The following WDR17 variants were observed in gnomAD, a reference collection of about 807,000 sequenced individuals.
WDR17 encodes the protein WD repeat domain 17.
Under a neutral mutation model 161.7 loss-of-function variants are expected in WDR17, and 143 were observed. The ratio of observed to expected loss-of-function variants is 0.88; its 90% CI spans 0.77 to 1.02. The LOEUF (loss-of-function observed/expected upper bound fraction) is 1.02. Among genes scored for constraint, WDR17 ranks in the 50% least tolerant of loss-of-function variants. The pLI is 0.00. For synonymous variants in WDR17, 517 were observed against 515.6 expected (o/e 1.00, Z -0.04); for missense variants, 1,469 against 1,520.9 (o/e 0.97, Z 0.57).
At chr4:176,073,464 A>G (rs959050243) in intron 1 of WDR17, among the ~76,000 whole-genome samples, 2 of 151,358 alleles carry the variant, frequency 1.3e-5, no homozygotes, top group African/African-American at 2.4e-5. Context: ...ATAGTATTTC[A>G]TGGTGTATAT....
chr4:176,114,738 G>A (rs1189449216), intron 2 of WDR17, among the ~76,000 whole-genome samples: 1 of 151,802 alleles, frequency 6.6e-6, no homozygotes, highest in African/African-American at 2.4e-5. Context: ...TAGAGTCATG[G>A]GATAGGTTCT....
intron 1 of WDR17, among the ~76,000 whole-genome samples, chr4:176,067,675 A>C (rs1186009722): frequency 1.3e-5 from 2 of 152,202 alleles, no homozygotes; most frequent in African/African-American, 4.8e-5. Context: ...GAAAGCCATA[A>C]ATTAATTTAG....
chr4:176,175,731 G>A (rs1265573952), intron 26 of WDR17, among the ~76,000 whole-genome samples: 2 of 151,852 alleles, frequency 1.3e-5, no homozygotes, highest in East Asian at 3.9e-4. Context: ...CTAATTTTTT[G>A]TATTTTTCTA....
At chr4:176,172,346 A>G in intron 23 of WDR17, 29 bp from the exon 24 acceptor site, 1 of 1,591,086 alleles carries the variant, frequency 6.3e-7, no homozygotes, top group East Asian at 2.3e-5. Context: ...AATTTTAGTA[A>G]CATTGTTTTC....
chr4:176,140,022 G>A (rs758951005), intron 10 of WDR17, 48 bp downstream of exon 10: 2 of 1,452,248 alleles, frequency 1.4e-6, no homozygotes, highest in South Asian at 1.2e-5. Context: ...TGTTTATAAA[G>A]CACTCATTTG....
intron 1 of WDR17, among the ~76,000 whole-genome samples, chr4:176,067,417 C>G (rs1732674182): frequency 6.6e-6 from 1 of 152,134 alleles, no homozygotes; most frequent in African/African-American, 2.4e-5. Flanking sequence ...GAAAGTAAAG[C>G]TCTTGAGTTC....
intron 6 of WDR17, among the ~76,000 whole-genome samples, chr4:176,130,580 TA>T (rs1743234476): frequency 2.2e-5 from 3 of 135,254 alleles, no homozygotes; most frequent in Admixed American, 8.4e-5. Flanking sequence ...CTGTCTCTAC[TA>T]AAAATACAAA....
intron 1 of WDR17, among the ~76,000 whole-genome samples, chr4:176,067,014 A>G (rs771345660): frequency 6.6e-6 from 1 of 152,198 alleles, no homozygotes; most frequent in Non-Finnish European, 1.5e-5. Context: ...ACTCCACAAG[A>G]GTTTAAGCAT....
At chr4:176,118,208 C>T (rs1740941364) in intron 3 of WDR17, among the ~76,000 whole-genome samples, 1 of 152,114 alleles carries the variant, frequency 6.6e-6, no homozygotes, top group Non-Finnish European at 1.5e-5. Flanking sequence ...AGTGCTTGTA[C>T]ATAAGTCACT....
chr4:176,123,946 T>C (rs1005082852), intron 4 of WDR17, among the ~76,000 whole-genome samples: 2 of 152,142 alleles, frequency 1.3e-5, no homozygotes, highest in African/African-American at 4.8e-5. Flanking sequence ...AGTCAACTCA[T>C]TAGCATACAA....
In WDR17 at chr4:176,151,791, C is replaced by A. The variant is rs1028761060; in HGVS notation, c.2305-21C>A. ...AAAATATGTCAAATTTTTTTAAATT[C>A]TATTTTCTTTTTAAAACCAGTCTGA... On this transcript the variant is annotated intron_variant, in intron 16 of 28. Transcript: ENST00000508596. 1.9e-5 allele frequency: 29 copies of A among 1,538,630 alleles called. No individual in the cohort carries two copies. The African/African-American group carries it at 3.5e-4, about 19-fold the overall frequency.
intron 1 of WDR17, among the ~76,000 whole-genome samples, chr4:176,090,918 C>T (rs1321594719): frequency 6.6e-6 from 1 of 152,200 alleles, no homozygotes; most frequent in Non-Finnish European, 1.5e-5. Context: ...GCAGCAGGAG[C>T]ATGTCCTTAA....
At chr4:176,156,341 A>T (rs1461715530) in intron 18 of WDR17, among the ~76,000 whole-genome samples, 198 bp downstream of exon 18, 1 of 152,112 alleles carries the variant, frequency 6.6e-6, no homozygotes, top group Non-Finnish European at 1.5e-5. Context: ...ATTTGACTTG[A>T]CCTCTGATGA....
rs779669811 is a variant in WDR17, at chr4:176,150,206, T to C, written c.2178+33T>C. Reference sequence around the variant, plus strand: ...TTACAGGAATTAAATGCGAATATTTTCCCTTTAGCCAACATGAATCATTAC... The same window carrying C: ...TTACAGGAATTAAATGCGAATATTTCCCCTTTAGCCAACATGAATCATTAC... On this transcript the variant is annotated intron_variant, in intron 15 of 28. Transcript: ENST00000508596. The C allele has an allele frequency of 2.2e-5, 35 of 1,604,914 alleles. No homozygotes were observed. In the South Asian group the frequency reaches 3.3e-4, roughly 15 times the overall value.
chr4:176,112,216 T>C (rs1043879355), intron 2 of WDR17, among the ~76,000 whole-genome samples: 2 of 152,218 alleles, frequency 1.3e-5, no homozygotes, highest in African/African-American at 4.8e-5. Flanking sequence ...ACCAGAAATG[T>C]GATAGTTATC....
intron 10 of WDR17, 91 bp downstream of exon 10, chr4:176,140,065 T>C (rs1745013305): frequency 1.8e-6 from 2 of 1,095,152 alleles, no homozygotes. Context: ...GAGATTTCAT[T>C]TGTACAGCTC....
intron 21 of WDR17, among the ~76,000 whole-genome samples, chr4:176,162,647 G>T (rs1749200057): frequency 6.6e-6 from 1 of 151,912 alleles, no homozygotes; most frequent in South Asian, 2.1e-4. Flanking sequence ...ACAAATGAAA[G>T]CACTTATTTT....
At chr4:176,136,686 C>T (rs1744462247) in intron 8 of WDR17, among the ~76,000 whole-genome samples, 1 of 151,176 alleles carries the variant, frequency 6.6e-6, no homozygotes. Flanking sequence ...TACATAATTT[C>T]CTCTGTATCT....
At chr4:176,072,435 A>G (rs779071505) in intron 1 of WDR17, among the ~76,000 whole-genome samples, 3 of 152,226 alleles carry the variant, frequency 2.0e-5, no homozygotes, top group Non-Finnish European at 4.4e-5. Flanking sequence ...ATTTTTAGCA[A>G]GTATCTAAGT....
Sources: gnomAD v4.1 joint callset for allele counts (sites outside exome capture counted in the v4.1 genomes callset) on GRCh38, gnomAD v4.1.1 for gene constraint, MANE v1.5 for transcripts, NCBI Gene and HGNC (gene_info 2026-07-23, HGNC 2026-07-21) for gene names.